Variants in SLC39A14 observed in about 807,000 individuals in gnomAD.
SLC39A14 encodes the protein solute carrier family 39 member 14, also known as metal cation symporter ZIP14.
SLC39A14 carries 19 observed loss-of-function variants against 45.5 expected under a neutral mutation model. That is an observed-to-expected ratio of 0.42 (90% confidence interval 0.29 to 0.61). The LOEUF is 0.61. Among genes scored for constraint, SLC39A14 ranks in the 20% least tolerant of loss-of-function variants. The pLI is 0.22. For missense variants in SLC39A14, 447 were observed against 616.5 expected (o/e 0.73, Z 2.91); for synonymous variants, 264 against 251.3 (o/e 1.05, Z -0.48).
At chr8:22,433,667 C>T (rs1470676302) in intron 8 of SLC39A14, among the ~76,000 whole-genome samples, 1 of 151,732 alleles carries the variant, frequency 6.6e-6, no homozygotes, top group African/African-American at 2.4e-5. Context: ...CCAAGCAATC[C>T]TCCCATCTCA....
In SLC39A14 at chr8:22,421,713, A is replaced by C. The variant is rs1836238637; in HGVS notation, c.*2015A>C. 4 of 984,726 alleles carry C rather than the reference A, an allele frequency of 4.1e-6. No homozygotes were observed. Among genetic ancestry groups the C allele is most frequent in the Non-Finnish European group, 4.8e-6 (4 of 828,958 alleles). 61.0% of individuals were successfully genotyped at this position (984,726 alleles called of 1,614,324 possible). ...CTCGCATTGATGTATTAAATTTATA[A>C]TTTTAGCATTCCCAATAGATCCTAT... On this transcript the variant is annotated 3_prime_UTR_variant, in exon 9 of 9. Coordinates refer to ENST00000381237, the MANE Select transcript of SLC39A14 (RefSeq NM_001128431.4).
intron 1 of SLC39A14, among the ~76,000 whole-genome samples, chr8:22,370,826 C>T (rs1325221370): frequency 1.3e-5 from 2 of 152,144 alleles, no homozygotes; most frequent in Non-Finnish European, 2.9e-5. Context: ...TGCTGCTCAG[C>T]CCAGCCGGGA....
At chr8:22,415,713 A>T (rs1418548701) in intron 5 of SLC39A14, 56 bp from the exon 6 acceptor site, 2 of 1,543,682 alleles carry the variant, frequency 1.3e-6, no homozygotes, top group Non-Finnish European at 1.8e-6. Flanking sequence ...CAGGTGCTCA[A>T]TCAGGTTTGT....
At position 22,419,563 on chromosome 8, in the gene SLC39A14, G is replaced by A; in HGVS notation, c.1344G>A (p.Met448Ile). The change falls in exon 9 of 9, where the codon ATG (methionine) becomes ATA (isoleucine). Residue 448 changes from methionine (M) to isoleucine (I), a missense_variant. Met to Ile is a conservative substitution (Grantham distance 10). Transcript: ENST00000381237. ...YISLADMFPEMNEVCQEDERK... is the reference protein window; with the variant it reads ...YISLADMFPEINEVCQEDERK... Reference sequence around the variant, plus strand: ...TGCTTCTTTCCCAGTTCCCTGAGATGAATGAGGTCTGTCAAGAGGATGAAA... The same window carrying A: ...TGCTTCTTTCCCAGTTCCCTGAGATAAATGAGGTCTGTCAAGAGGATGAAA... 6.2e-7 allele frequency: 1 copy of A among 1,612,322 alleles called. No individual in the cohort carries two copies. Among genetic ancestry groups the A allele is most frequent in the South Asian group, 1.1e-5 (1 of 90,616 alleles).
intron 1 of SLC39A14, chr8:22,398,815 T>G: frequency 1.1e-6 from 1 of 914,260 alleles, no homozygotes; most frequent in Non-Finnish European, 1.3e-6. Flanking sequence ...GAATTCCAAT[T>G]ATGGGCCTCT....
chr8:22,408,485 G>C lies in SLC39A14; in HGVS notation c.446G>C (p.Ser149Thr), dbSNP rs1318926074. The change falls in exon 3 of 9, where the codon AGC (serine) becomes ACC (threonine). Residue 149 changes from serine to threonine, a missense_variant. Ser to Thr is a moderately conservative substitution (Grantham distance 58). Coordinates refer to ENST00000381237, the MANE Select transcript of SLC39A14 (RefSeq NM_001128431.4). Reference protein sequence around the residue: ...ENEQTEEGRPSAVEVWGYGLL... With the variant: ...ENEQTEEGRPTAVEVWGYGLL... ...GAGCAGACGGAGGAGGGGCGGCCAA[G>C]CGCTGTTGAAGGTGAGCCAGGCCAG... is the stretch of plus-strand genomic sequence containing the variant. 1 of 1,613,376 alleles carries C rather than the reference G, an allele frequency of 6.2e-7. No individual in the cohort carries two copies. The highest frequency in any genetic ancestry group is 1.7e-4 in the Middle Eastern group (1 of 5,982).
At chr8:22,407,354 G>A (rs912134844) in intron 2 of SLC39A14, among the ~76,000 whole-genome samples, 4 of 152,066 alleles carry the variant, frequency 2.6e-5, no homozygotes, top group African/African-American at 9.7e-5. Flanking sequence ...ACAGAATGGT[G>A]TTTTCTTTCT....
At chr8:22,369,256 T>C (rs73670409) in intron 1 of SLC39A14, among the ~76,000 whole-genome samples, 1 of 152,172 alleles carries the variant, frequency 6.6e-6, no homozygotes, top group Non-Finnish European at 1.5e-5. Context: ...TTTACTCATC[T>C]GGCCTCTGGG....
intron 1 of SLC39A14, among the ~76,000 whole-genome samples, chr8:22,388,523 C>G (rs1450850234): frequency 8.5e-6 from 1 of 118,104 alleles, no homozygotes; most frequent in Admixed American, 9.9e-5. Context: ...GCTGGAGGGA[C>G]GGAGTGTTGG....
intron 8 of SLC39A14, among the ~76,000 whole-genome samples, chr8:22,429,322 G>A (rs1836434194): frequency 6.6e-6 from 1 of 152,100 alleles, no homozygotes; most frequent in African/African-American, 2.4e-5. Flanking sequence ...CATAGGAATG[G>A]ATTCATGTCA....
intron 1 of SLC39A14, among the ~76,000 whole-genome samples, chr8:22,387,455 A>C (rs1191646807): frequency 6.6e-6 from 1 of 152,106 alleles, no homozygotes; most frequent in Non-Finnish European, 1.5e-5. Flanking sequence ...GTCTGGTTAG[A>C]ATTTTGATCC....
At chr8:22,394,343 G>C (rs1022104469) in intron 1 of SLC39A14, among the ~76,000 whole-genome samples, 1 of 99,348 alleles carries the variant, frequency 1.0e-5, no homozygotes, top group African/African-American at 4.2e-5. Context: ...TTTTTTTTTT[G>C]AGTTGGAATC....
At chr8:22,410,119 C>T (rs753871767) in intron 3 of SLC39A14, 4 of 1,613,960 alleles carry the variant, frequency 2.5e-6, no homozygotes, top group African/African-American at 1.3e-5. Flanking sequence ...CCCAGAGGTG[C>T]AGTAGAACAG....
chr8:22,419,130 G>C lies in SLC39A14; in HGVS notation c.1333-422G>C, dbSNP rs114240193. Among the ~76,000 whole-genome samples, 552 of 152,270 alleles carry C rather than the reference G, an allele frequency of 3.6e-3. 1 individual carries two copies. The highest frequency in any genetic ancestry group is 0.013 in the African/African-American group (527 of 41,554). ...GAGCCACATACACGTTGAGTACTTT[G>C]TTTTACCTAGACAGTTGTAAAGACA... On this transcript the variant is annotated intron_variant, in intron 8 of 8. Transcript: ENST00000381237.
intron 1 of SLC39A14, among the ~76,000 whole-genome samples, chr8:22,394,150 G>C (rs1834238715): frequency 6.6e-6 from 1 of 151,852 alleles, no homozygotes; most frequent in South Asian, 2.1e-4. Flanking sequence ...GGGACTACAG[G>C]CGTGCGCCAC....
At chr8:22,368,766 G>A (rs1275075669) in intron 1 of SLC39A14, among the ~76,000 whole-genome samples, 1 of 152,092 alleles carries the variant, frequency 6.6e-6, no homozygotes, top group African/African-American at 2.4e-5. Flanking sequence ...TCGATCTCCT[G>A]ACCTCGTGAT....
At chr8:22,372,546 T>C (rs1468431212) in intron 1 of SLC39A14, among the ~76,000 whole-genome samples, 1 of 152,194 alleles carries the variant, frequency 6.6e-6, no homozygotes, top group African/African-American at 2.4e-5. Flanking sequence ...GGGTAAAAGG[T>C]TAAATCTGTT....
At chr8:22,407,689 C>A (rs1347056405) in intron 2 of SLC39A14, among the ~76,000 whole-genome samples, 1 of 149,028 alleles carries the variant, frequency 6.7e-6, no homozygotes, top group African/African-American at 2.5e-5. Context: ...GAAACTATAC[C>A]CTAGTGACAA....
At chr8:22,408,266 G>C in intron 2 of SLC39A14, 44 bp from the exon 3 acceptor site, 1 of 1,576,966 alleles carries the variant, frequency 6.3e-7, no homozygotes, top group Non-Finnish European at 8.7e-7. Flanking sequence ...GGCAAGGCCT[G>C]ACCTTTGGGG....
Sources: gnomAD v4.1 joint callset for allele counts (sites outside exome capture counted in the v4.1 genomes callset) on GRCh38, gnomAD v4.1.1 for gene constraint, MANE v1.5 for transcripts, NCBI Gene and HGNC (gene_info 2026-07-23, HGNC 2026-07-21) for gene names.